HDGFL3: variants seen among roughly 807,000 people sequenced by gnomAD.
HDGFL3 encodes the protein hepatoma-derived growth factor-related protein 3.
Under a neutral mutation model 27.6 loss-of-function variants are expected in HDGFL3, and 6 were observed. That is an observed-to-expected ratio of 0.22 (90% CI 0.12 to 0.43). HDGFL3 has a LOEUF of 0.43. Among genes scored for constraint, HDGFL3 ranks in the 20% least tolerant of loss-of-function variants. The pLI, the probability that HDGFL3 is intolerant of heterozygous loss-of-function variation, is 1.00. For synonymous variants in HDGFL3, 88 were observed against 88.9 expected (o/e 0.99, Z 0.05); for missense variants, 207 against 250.1 (o/e 0.83, Z 1.16).
At chr15:83,204,774 G>A (rs1310053961) in intron 1 of HDGFL3, among the ~76,000 whole-genome samples, 1 of 152,208 alleles carries the variant, frequency 6.6e-6, no homozygotes, top group Non-Finnish European at 1.5e-5. Context: ...TTATTTTACA[G>A]ACGAGTAAAC....
intron 5 of HDGFL3, among the ~76,000 whole-genome samples, chr15:83,143,944 T>C (rs1205901583): frequency 6.6e-6 from 1 of 152,176 alleles, no homozygotes. Context: ...TTATTGTCAT[T>C]TGAGGGTCTG....
In HDGFL3 at chr15:83,129,773, T is replaced by C. The variant is rs190821726; in HGVS notation, c.*9497A>G. On this transcript the variant is annotated 3_prime_UTR_variant, in exon 6 of 6. Coordinates refer to ENST00000299633, the MANE Select transcript of HDGFL3 (RefSeq NM_016073.4). ...TTGGACTCTGAGGGCCAAGTGGGGCTTTATTAGGCTGAGCCTCTCCAGGGA... is the reference window on the plus strand; with the variant it reads ...TTGGACTCTGAGGGCCAAGTGGGGCCTTATTAGGCTGAGCCTCTCCAGGGA... 6.6e-6 allele frequency: 1 copy of C among 152,468 alleles called. No homozygotes were observed. Among genetic ancestry groups the C allele is most frequent in the East Asian group, 1.9e-4 (1 of 5,188 alleles). The allele number at this position is 152,468 out of a possible 1,614,324, so 9.4% of individuals were successfully genotyped here. A position where few individuals can be genotyped will look rare whatever the true frequency, so the allele number is the denominator to read the frequency against.
chr15:83,173,375 C>T (rs764644082), intron 1 of HDGFL3, among the ~76,000 whole-genome samples: 12 of 152,166 alleles, frequency 7.9e-5, no homozygotes, highest in Non-Finnish European at 1.6e-4. Flanking sequence ...GTTCTCAGCA[C>T]ATTTAAGGCA....
Position 83,164,061 on chromosome 15 carries a change from T to C in HDGFL3, c.99A>G (p.Pro33=). 1 of 1,606,384 alleles carries C rather than the reference T, an allele frequency of 6.2e-7. No homozygotes were observed. The highest frequency in any genetic ancestry group is 8.5e-7 in the Non-Finnish European group (1 of 1,176,838). The change falls in exon 2 of 6, where the codon CCA becomes CCG. Residue 33 remains proline (P), a synonymous_variant. Coordinates refer to ENST00000299633, the MANE Select transcript of HDGFL3 (RefSeq NM_016073.4). The stretch of plus-strand genomic sequence containing the variant: ...TTGCTGGAGGCTTCACAGCGCCCTC[T>C]GGGAGTTCATCAATCTATGAAAGAT... The part of the protein sequence containing the change: ...PHWPARIDEL[P]EGAVKPPANK...
downstream of HDGFL3, among the ~76,000 whole-genome samples, chr15:83,125,361 A>G (rs2035647003): frequency 6.6e-6 from 1 of 152,192 alleles, no homozygotes. Flanking sequence ...ATTTTACTGC[A>G]GAGGTTAGGA....
intron 3 of HDGFL3, chr15:83,119,472 T>C (rs1464766739): frequency 1.7e-6 from 2 of 1,143,336 alleles, no homozygotes; most frequent in Non-Finnish European, 2.5e-6. Flanking sequence ...TCTTAGCAGA[T>C]GAACACAAGT....
intron 1 of HDGFL3, among the ~76,000 whole-genome samples, chr15:83,196,001 G>A (rs1596568383): frequency 6.6e-6 from 1 of 151,882 alleles, no homozygotes; most frequent in Non-Finnish European, 1.5e-5. Context: ...CCATCCTGAA[G>A]TTACAAGTTA....
At chr15:83,187,058 G>T (rs532451754) in intron 1 of HDGFL3, among the ~76,000 whole-genome samples, 97 of 151,650 alleles carry the variant, frequency 6.4e-4, no homozygotes, top group Middle Eastern at 3.2e-3. Flanking sequence ...TATACTTTAG[G>T]ATTCTCATTT....
chr15:83,182,568 T>A (rs772367373), intron 1 of HDGFL3, among the ~76,000 whole-genome samples: 2 of 152,208 alleles, frequency 1.3e-5, no homozygotes, highest in African/African-American at 2.4e-5. Flanking sequence ...ATTGGATGAT[T>A]CCACTTATAT....
chr15:83,186,687 G>A (rs948540997), intron 1 of HDGFL3, among the ~76,000 whole-genome samples: 3 of 152,000 alleles, frequency 2.0e-5, no homozygotes, highest in South Asian at 2.1e-4. Context: ...CTATGAGTAC[G>A]CAAAGGCATA....
chr15:83,136,454 T>C lies in HDGFL3; in HGVS notation c.*2816A>G. 6.4e-7 allele frequency: 1 copy of C among 1,557,856 alleles called. No homozygotes were observed. Among genetic ancestry groups the C allele is most frequent in the Non-Finnish European group, 8.6e-7 (1 of 1,156,742 alleles). Reference sequence around the variant, plus strand: ...CCAACTGAACACGTTTCATGCTTACTCAATTTTTTTTTTTTAAATGCAACA... The same window carrying C: ...CCAACTGAACACGTTTCATGCTTACCCAATTTTTTTTTTTTAAATGCAACA... On this transcript the variant is annotated 3_prime_UTR_variant, in exon 6 of 6. Transcript: ENST00000299633.
chr15:83,112,755 T>G, exon 4 of HDGFL3: 1 of 1,417,046 alleles, frequency 7.1e-7, no homozygotes, highest in Non-Finnish European at 1.0e-6. Flanking sequence ...CACCAATGTG[T>G]TTATTTTGAT....
intron 5 of HDGFL3, 42 bp from the exon 6 acceptor site, chr15:83,139,317 AT>A: frequency 3.1e-6 from 4 of 1,303,468 alleles, no homozygotes; most frequent in Non-Finnish European, 4.1e-6. Context: ...CCTTTAGATG[AT>A]TTAGGATACT....
intron 4 of HDGFL3, 102 bp from the exon 5 acceptor site, chr15:83,151,463 G>A (rs1053862227): frequency 1.1e-5 from 10 of 930,854 alleles, no homozygotes; most frequent in Non-Finnish European, 1.6e-5. Context: ...TAGTTTTAGT[G>A]GTTGATAGAG....
intron 1 of HDGFL3, among the ~76,000 whole-genome samples, chr15:83,193,507 G>C (rs2151420785): frequency 6.6e-6 from 1 of 152,252 alleles, no homozygotes; most frequent in African/African-American, 2.4e-5. Context: ...AGTCCCTATG[G>C]AAAACAGTAC....
intron 5 of HDGFL3, among the ~76,000 whole-genome samples, chr15:83,148,866 A>T (rs757161368): frequency 6.6e-6 from 1 of 152,176 alleles, no homozygotes; most frequent in African/African-American, 2.4e-5. Flanking sequence ...TTATACACCT[A>T]TATGTTAGGC....
In HDGFL3 at chr15:83,207,393, C is replaced by G; in HGVS notation, c.22G>C (p.Glu8Gln). 1.5e-6 allele frequency: 2 copies of G among 1,357,504 alleles called. No homozygotes were observed. The highest frequency in any genetic ancestry group is 3.1e-5 in the Admixed American group (1 of 32,686). The allele number at this position is 1,357,504 out of a possible 1,614,324, so 84.1% of individuals were successfully genotyped here. ...AAGACCAGGTCGCCCGCTTTGTACT[C>G]GCGGGGCCGCGGACGCGCCATCCCA... The part of the protein sequence containing the change: MARPRPR[E>Q]YKAGDLVFAK... Residue 8 changes from glutamate (E) to glutamine (Q), a missense_variant, in exon 1 of 6, where the codon GAG becomes CAG. Transcript: ENST00000299633. This position sits in a 1 kb window ranked among gnomAD's most constrained non-coding sequence, Gnocchi z 4.8.
At chr15:83,127,203 A>T (rs1372866076), downstream of HDGFL3, among the ~76,000 whole-genome samples, 4 of 151,012 alleles carry the variant, frequency 2.6e-5, no homozygotes, top group Admixed American at 2.0e-4. Context: ...AAAAAAATAA[A>T]TAAATAAAAA....
chr15:83,203,347 G>A (rs564389873), intron 1 of HDGFL3, among the ~76,000 whole-genome samples: 4 of 152,066 alleles, frequency 2.6e-5, no homozygotes, highest in Admixed American at 2.0e-4. Context: ...TATGCAAGTT[G>A]ACACTATTAA....
Sources: gnomAD v4.1 joint callset for allele counts (sites outside exome capture counted in the v4.1 genomes callset) on GRCh38, gnomAD v4.1.1 for gene constraint, Gnocchi (gnomAD v3.1) non-coding constraint, MANE v1.5 for transcripts, NCBI Gene and HGNC (gene_info 2026-07-23, HGNC 2026-07-21) for gene names.